ANTXRL: variants seen among roughly 807,000 people sequenced by gnomAD.
ANTXRL encodes ANTXR like.
ANTXRL carries 63 observed loss-of-function variants against 75.4 expected under a neutral mutation model. The observed-to-expected ratio is 0.84, with a 90% confidence interval of 0.68 to 1.03. The LOEUF is 1.03. ANTXRL is among the 50% of genes least tolerant of loss of function. The pLI, the probability that ANTXRL is intolerant of heterozygous loss-of-function variation, is 0.00. For missense variants in ANTXRL, 797 were observed against 789.4 expected (o/e 1.01, Z -0.12); for synonymous variants, 335 against 291.3 (o/e 1.15, Z -1.53).
At chr10:46,294,705 C>G (rs1554958008) in intron 3 of ANTXRL, among the ~76,000 whole-genome samples, 1 of 152,092 alleles carries the variant, frequency 6.6e-6, no homozygotes, top group East Asian at 1.9e-4. Context: ...TGGTAAAAAG[C>G]AAGTCTATGG....
At chr10:46,294,293 C>A (rs1293884183) in intron 3 of ANTXRL, among the ~76,000 whole-genome samples, 1 of 152,056 alleles carries the variant, frequency 6.6e-6, no homozygotes, top group Non-Finnish European at 1.5e-5. Flanking sequence ...CTGCCCTGAC[C>A]AGTGTGGGAG....
intron 3 of ANTXRL, 39 bp downstream of exon 3, chr10:46,293,939 G>A: frequency 1.3e-6 from 2 of 1,526,610 alleles, no homozygotes; most frequent in Non-Finnish European, 1.8e-6. Flanking sequence ...GGCCTGATGA[G>A]CTTGGCCAGA....
intron 16 of ANTXRL, among the ~76,000 whole-genome samples, chr10:46,313,709 G>C (rs1838564620): frequency 6.6e-6 from 1 of 152,186 alleles, no homozygotes; most frequent in Non-Finnish European, 1.5e-5. Flanking sequence ...TGAGGCCTCA[G>C]TAATGTACGC....
At chr10:46,286,638 C>T (rs1259537657), upstream of ANTXRL, among the ~76,000 whole-genome samples, 2 of 152,148 alleles carry the variant, frequency 1.3e-5, no homozygotes, top group Non-Finnish European at 2.9e-5. Flanking sequence ...CCGGAATGTC[C>T]CTCATTCACA....
chr10:46,287,153 T>G lies in ANTXRL; in HGVS notation c.-110T>G. On this transcript the variant is annotated 5_prime_UTR_variant, in exon 1 of 17. Transcript: ENST00000620264. ...ACTGGTGAAAGGGCAGGAGGAGGGGTGTGGCCCCGGGCATAAGGGGAGGCG... is the reference window on the plus strand; with the variant it reads ...ACTGGTGAAAGGGCAGGAGGAGGGGGGTGGCCCCGGGCATAAGGGGAGGCG... The G allele has an allele frequency of 7.3e-7, 1 of 1,370,720 alleles. No homozygotes were observed. Among genetic ancestry groups the G allele is most frequent in the Non-Finnish European group, 9.7e-7 (1 of 1,032,614 alleles). 84.9% of individuals were successfully genotyped at this position (1,370,720 alleles called of 1,614,324 possible).
intron 3 of ANTXRL, among the ~76,000 whole-genome samples, chr10:46,294,761 A>G (rs1837263687): frequency 6.6e-6 from 1 of 152,166 alleles, no homozygotes; most frequent in Non-Finnish European, 1.5e-5. Flanking sequence ...GGGTTTGGGC[A>G]TGGCCAGAGG....
intron 14 of ANTXRL, 75 bp downstream of exon 14, chr10:46,310,574 C>A: frequency 1.4e-6 from 2 of 1,430,524 alleles, no homozygotes; most frequent in Middle Eastern, 1.8e-4. Flanking sequence ...TGCCATGAAG[C>A]CTGCGCCCCA....
Position 46,311,519 on chromosome 10 carries a change from C to A in ANTXRL, c.1183C>A (p.Gln395Lys). ...GTTTTTCTTTTTTTAGGAGCCAGAG[C>A]AGGAAAAACCACCATCACCACCACC... ...PVQKPEKEPE[Q>K]EKPPSPPPPP... The change falls in exon 15 of 17, where the codon CAG becomes AAG. Residue 395 changes from glutamine to lysine, a missense_variant. By Grantham distance (53) the Gln-to-Lys change is moderately conservative. Around this residue, in one of 3 missense-constraint regions of ANTXRL, gnomAD observed 479 missense variants for 422.0 expected, o/e 1.14. Coordinates refer to ENST00000620264, the MANE Select transcript of ANTXRL (RefSeq NM_001278688.3). 6.5e-7 allele frequency: 1 copy of A among 1,532,396 alleles called. No homozygotes were observed. The highest frequency in any genetic ancestry group is 8.7e-7 in the Non-Finnish European group (1 of 1,145,064). The allele number at this position is 1,532,396 out of a possible 1,614,324, so 94.9% of individuals were successfully genotyped here.
At chr10:46,326,542 A>G (rs1441553351) in intron 16 of ANTXRL, among the ~76,000 whole-genome samples, 4 of 152,044 alleles carry the variant, frequency 2.6e-5, no homozygotes, top group Non-Finnish European at 4.4e-5. Flanking sequence ...TGCTCAGAGG[A>G]AAAAAGGTTG....
chr10:46,316,848 T>C (rs1287566520), intron 16 of ANTXRL, among the ~76,000 whole-genome samples: 1 of 152,160 alleles, frequency 6.6e-6, no homozygotes, highest in East Asian at 1.9e-4. Context: ...GTTGTTGCTA[T>C]GGCTGCAGGG....
At chr10:46,308,414 C>G in intron 12 of ANTXRL, 1 of 336,406 alleles carries the variant, frequency 3.0e-6, no homozygotes, top group Non-Finnish European at 5.8e-6. Context: ...CCTCCCCTCC[C>G]CTCCCCTCCC....
At chr10:46,313,384 CTGGGAT>C in intron 16 of ANTXRL, 68 bp downstream of exon 16, 2 of 1,451,582 alleles carry the variant, frequency 1.4e-6, no homozygotes, top group African/African-American at 1.4e-5. Context: ...CCACTGTCCT[CTGGGAT>C]TGGGGCTCAG....
chr10:46,320,092 AAT>A (rs1448624002), intron 16 of ANTXRL, among the ~76,000 whole-genome samples: 11 of 152,160 alleles, frequency 7.2e-5, no homozygotes, highest in African/African-American at 2.7e-4. Context: ...CTGCCTTTCA[AAT>A]ACCTTCCCAT....
At chr10:46,305,630 C>T (rs1838031880) in intron 10 of ANTXRL, among the ~76,000 whole-genome samples, 1 of 152,162 alleles carries the variant, frequency 6.6e-6, no homozygotes, top group South Asian at 2.1e-4. Flanking sequence ...GCAGATGCAG[C>T]AGGGCCCACG....
intron 9 of ANTXRL, among the ~76,000 whole-genome samples, chr10:46,298,519 G>A (rs542733566): frequency 2.8e-4 from 43 of 151,372 alleles, no homozygotes; most frequent in African/African-American, 9.0e-4. Flanking sequence ...GCATATATGC[G>A]TGTGTGTGTG....
At chr10:46,295,080 A>G (rs1189209868) in intron 3 of ANTXRL, among the ~76,000 whole-genome samples, 1 of 152,172 alleles carries the variant, frequency 6.6e-6, no homozygotes, top group East Asian at 1.9e-4. Flanking sequence ...TCCGCAGATC[A>G]GTGTTCAGCC....
chr10:46,287,518 TCCCTTCTAGCTCTGGC>T lies in ANTXRL; in HGVS notation c.248+11_248+26del, dbSNP rs1554955570. On this transcript the variant is annotated intron_variant, in intron 1 of 16. Coordinates refer to ENST00000620264, the MANE Select transcript of ANTXRL (RefSeq NM_001278688.3). Reference sequence around the variant, plus strand: ...CTACTTCATCTTGGACAAGTGAGTGTCCCTTCTAGCTCTGGCCCTGGGTCACCCTCAGGAGCCACTG... The same window carrying T: ...CTACTTCATCTTGGACAAGTGAGTGTCCTGGGTCACCCTCAGGAGCCACTG... The T allele has an allele frequency of 1.2e-5, 18 of 1,533,936 alleles. No individual in the cohort carries two copies. The highest frequency in any genetic ancestry group is 1.6e-5 in the Non-Finnish European group (18 of 1,145,726).
intron 1 of ANTXRL, among the ~76,000 whole-genome samples, chr10:46,288,128 G>C (rs1554955721): frequency 1.3e-5 from 2 of 152,168 alleles, no homozygotes; most frequent in Non-Finnish European, 2.9e-5. Flanking sequence ...CACCAGGAAA[G>C]AAAAGAGGCA....
At chr10:46,292,007 C>A in intron 1 of ANTXRL, 51 bp from the exon 2 acceptor site, 1 of 1,499,714 alleles carries the variant, frequency 6.7e-7, no homozygotes, top group South Asian at 1.2e-5. Flanking sequence ...AGACACTTGC[C>A]CATCGGAGAG....
Sources: allele counts gnomAD v4.1 joint callset (sites outside exome capture counted in the v4.1 genomes callset), GRCh38; gene constraint gnomAD v4.1.1; regional missense constraint gnomAD v4.1.1; transcripts MANE v1.5; gene names NCBI Gene and HGNC (gene_info 2026-07-23, HGNC 2026-07-21).